The following FHOD3 variants were observed in gnomAD, a reference collection of about 807,000 sequenced individuals.
FHOD3 encodes FH1/FH2 domain-containing protein 3.
In FHOD3, 90 loss-of-function variants were observed where a neutral mutation model predicts 173.0. That is an observed-to-expected ratio of 0.52 (90% CI 0.44 to 0.62). The LOEUF (loss-of-function observed/expected upper bound fraction) is 0.62. Among genes scored for constraint, FHOD3 ranks in the 20% least tolerant of loss-of-function variants. The pLI is 0.00. For missense variants in FHOD3, 1,945 were observed against 2,034.7 expected, an observed-to-expected ratio of 0.96 and a Z score of 0.85; for synonymous variants, 828 against 823.0, an observed-to-expected ratio of 1.01 and a Z score of -0.10.
chr18:36,329,630 G>A (rs1485778981), intron 1 of FHOD3, among the ~76,000 whole-genome samples: 5 of 152,174 alleles, frequency 3.3e-5, no homozygotes, highest in Non-Finnish European at 7.3e-5. Context: ...GTGACTGGGG[G>A]ATGCAGAAAG....
chr18:36,746,839 GA>G, intron 23 of FHOD3, 105 bp from the exon 24 acceptor site: 2 of 753,212 alleles, frequency 2.7e-6, no homozygotes, highest in African/African-American at 1.8e-5. Context: ...TTCAAAATGT[GA>G]ATTTCGTTTT....
rs1369985196 is a variant in FHOD3 at position 36,718,703 on chromosome 18, G to C, written c.3405G>C (p.Leu1135=). ...EHLFESKSKE[L]SVSKKTAADG... ...TGTTTGAGTCTAAATCCAAGGAACT[G>C]TCTGTCTCAAAGGTACTGCTAGTCT... is the stretch of plus-strand genomic sequence containing the variant. Residue 1135 remains leucine, a synonymous_variant, in exon 19 of 29, where the codon CTG becomes CTC. Coordinates refer to ENST00000590592, the MANE Select transcript of FHOD3 (RefSeq NM_001281740.3). 4 of 1,613,006 alleles carry C rather than the reference G, an allele frequency of 2.5e-6. No homozygotes were observed. Among genetic ancestry groups the C allele is most frequent in the Non-Finnish European group, 3.4e-6 (4 of 1,179,242 alleles).
chr18:36,605,460 T>C (rs1599844773), intron 8 of FHOD3, among the ~76,000 whole-genome samples: 1 of 152,336 alleles, frequency 6.6e-6, no homozygotes, highest in East Asian at 1.9e-4. Context: ...TGGCAGTTCT[T>C]TCTCATCCTT....
intron 3 of FHOD3, among the ~76,000 whole-genome samples, chr18:36,464,548 A>T (rs1197818718): frequency 2.0e-5 from 3 of 152,196 alleles, no homozygotes; most frequent in Non-Finnish European, 4.4e-5. Context: ...GGTCAAGAAG[A>T]TAAAAATTCC....
intron 14 of FHOD3, among the ~76,000 whole-genome samples, chr18:36,664,508 G>T (rs900435387): frequency 6.6e-6 from 1 of 152,194 alleles, no homozygotes; most frequent in African/African-American, 2.4e-5. Context: ...TGTTGATGCA[G>T]TAAGTTCAGA....
chr18:36,568,683 C>G (rs2058357939), intron 5 of FHOD3, among the ~76,000 whole-genome samples: 1 of 152,154 alleles, frequency 6.6e-6, no homozygotes, highest in South Asian at 2.1e-4. Context: ...GAAGACAGGT[C>G]AGAACTTGTG....
chr18:36,333,909 CCCAGTGCTTT>C (rs2045156791), intron 1 of FHOD3, among the ~76,000 whole-genome samples: 1 of 152,170 alleles, frequency 6.6e-6, no homozygotes, highest in Admixed American at 6.5e-5. Flanking sequence ...TTTTTTAACC[CCCAGTGCTTT>C]ATCTGTATTC....
At chr18:36,519,180 C>G (rs1186146145) in intron 5 of FHOD3, among the ~76,000 whole-genome samples, 1 of 152,200 alleles carries the variant, frequency 6.6e-6, no homozygotes, top group East Asian at 1.9e-4. Context: ...CTCTTTCCAG[C>G]CTGTACGGGT....
chr18:36,709,032 C>A (rs2040027198), intron 17 of FHOD3, 63 bp from the exon 18 acceptor site: 1 of 1,558,102 alleles, frequency 6.4e-7, no homozygotes, highest in Non-Finnish European at 8.7e-7. Flanking sequence ...CATTCATTCT[C>A]ACCTCACTTC....
chr18:36,728,510 C>A (rs1222023124), intron 19 of FHOD3, among the ~76,000 whole-genome samples: 1 of 151,972 alleles, frequency 6.6e-6, no homozygotes, highest in African/African-American at 2.4e-5. Flanking sequence ...GTGTTCAAAG[C>A]TGACAACTCT....
intron 3 of FHOD3, among the ~76,000 whole-genome samples, chr18:36,495,236 C>T (rs190434985): frequency 8.5e-5 from 13 of 152,220 alleles, no homozygotes; most frequent in African/African-American, 2.6e-4. Flanking sequence ...CCACTGTGCC[C>T]GGCCTTTTTA....
chr18:36,596,489 G>A (rs1482043096), intron 7 of FHOD3, among the ~76,000 whole-genome samples: 2 of 151,950 alleles, frequency 1.3e-5, no homozygotes, highest in African/African-American at 4.8e-5. Flanking sequence ...AGCCAGTTGT[G>A]TCTGTGATTT....
intron 4 of FHOD3, among the ~76,000 whole-genome samples, chr18:36,508,837 A>G (rs2055457440): frequency 6.6e-6 from 1 of 152,220 alleles, no homozygotes. Flanking sequence ...CAGAATGAGA[A>G]TATTACCATC....
rs149553984 is a variant in FHOD3, at chr18:36,720,331, G to A, written c.3417+1616G>A. ...TGGCTCACTGCAACCTCCACCTCCC[G>A]GGTTCAAGAGATTCTCCTGCCTCCG... On this transcript the variant is annotated intron_variant, in intron 19 of 28. Coordinates refer to ENST00000590592, the MANE Select transcript of FHOD3 (RefSeq NM_001281740.3). 6.3e-4 allele frequency among the ~76,000 whole-genome samples: 92 copies of A among 146,748 alleles called. 1 individual carries two copies. Among genetic ancestry groups the A allele is most frequent in the African/African-American group, 1.8e-3 (69 of 39,418 alleles).
chr18:36,315,807 A>G (rs9958703), intron 1 of FHOD3, among the ~76,000 whole-genome samples: 4,506 of 152,172 alleles, frequency 0.03, 221 homozygotes, highest in African/African-American at 0.1. Flanking sequence ...CAGACACCCC[A>G]TTATGTCTGC....
intron 10 of FHOD3, among the ~76,000 whole-genome samples, chr18:36,629,430 C>G (rs114210350): frequency 0.026 from 3,899 of 152,206 alleles, 179 homozygotes; most frequent in African/African-American, 0.09. Flanking sequence ...AGCTCACAGG[C>G]CGTATAAAAA....
intron 8 of FHOD3, among the ~76,000 whole-genome samples, chr18:36,604,151 G>C (rs951429754): frequency 9.2e-5 from 14 of 152,112 alleles, no homozygotes; most frequent in Non-Finnish European, 8.8e-5. Context: ...TCTCCATTTG[G>C]ATCGACATGC....
intron 5 of FHOD3, among the ~76,000 whole-genome samples, chr18:36,518,068 C>G (rs1392580517): frequency 2.0e-5 from 3 of 152,142 alleles, no homozygotes; most frequent in Non-Finnish European, 4.4e-5. Context: ...CTAACATCCT[C>G]CTTGTCAGAA....
At chr18:36,322,564 G>A (rs925867822) in intron 1 of FHOD3, among the ~76,000 whole-genome samples, 2 of 152,094 alleles carry the variant, frequency 1.3e-5, no homozygotes, top group African/African-American at 4.8e-5. Flanking sequence ...GGTTCCATGG[G>A]GGATTGGTGG....
Sources: allele counts gnomAD v4.1 joint callset (sites outside exome capture counted in the v4.1 genomes callset), GRCh38; gene constraint gnomAD v4.1.1; transcripts MANE v1.5; gene names NCBI Gene and HGNC (gene_info 2026-07-23, HGNC 2026-07-21).